FAT1: variants seen among roughly 807,000 people sequenced by gnomAD.
FAT1 encodes the protein FAT atypical cadherin 1, also known as protocadherin Fat 1.
Under a neutral mutation model 329.8 loss-of-function variants are expected in FAT1, and 171 were observed. That is an observed-to-expected ratio of 0.52 (90% confidence interval 0.46 to 0.59). The LOEUF (loss-of-function observed/expected upper bound fraction) is 0.59. Among genes scored for constraint, FAT1 ranks in the 20% least tolerant of loss-of-function variants. The pLI is 0.00. For missense variants in FAT1, 5,672 were observed against 5,774.4 expected (o/e 0.98, Z 0.57); for synonymous variants, 2,233 against 2,228.6 (o/e 1.00, Z -0.06).
At chr4:186,702,111 C>T (rs578239356) in intron 2 of FAT1, among the ~76,000 whole-genome samples, 314 of 152,222 alleles carry the variant, frequency 2.1e-3, no homozygotes, top group African/African-American at 6.6e-3. Flanking sequence ...GGCCAGGAGC[C>T]GGCCTCCACA....
At chr4:186,660,961 C>T (rs1289634153) in intron 3 of FAT1, among the ~76,000 whole-genome samples, 1 of 152,166 alleles carries the variant, frequency 6.6e-6, no homozygotes, top group East Asian at 1.9e-4. Context: ...ATATTTCTTG[C>T]TTGCTCATCT....
At position 186,636,754 on chromosome 4, in the gene FAT1, C is replaced by T. The variant is rs113970444; in HGVS notation, c.3803G>A (p.Arg1268Gln). ...EKPDRERNAR[R>Q]EPLYHVIATD... ...GGCTATGACGTGATAGAGCGGCTCC[C>T]GTCTGGCATTTCTTTCTCGGTCTGG... The change falls in exon 5 of 27, where the codon CGG (arginine) becomes CAG (glutamine). Residue 1268 changes from arginine to glutamine, a missense_variant. By Grantham distance (43) the Arg-to-Gln change is conservative. This residue lies in a region of FAT1 where 3,966 missense variants were observed against 3,915.2 expected (regional missense o/e 1.01). Transcript: ENST00000441802. 14,877 of 1,613,848 alleles carry T rather than the reference C, an allele frequency of 9.2e-3. 71 individuals are homozygous for T. The highest frequency in any genetic ancestry group is 0.011 in the Non-Finnish European group (12,474 of 1,179,862).
At position 186,672,590 on chromosome 4, in the gene FAT1, G is replaced by A. The variant is rs554413107; in HGVS notation, c.3266-8977C>T. 2.5e-4 allele frequency among the ~76,000 whole-genome samples: 38 copies of A among 152,296 alleles called. 1 individual carries two copies. Among genetic ancestry groups the A allele is most frequent in the Admixed American group, 6.5e-4 (10 of 15,282 alleles). ...AACATAACAGCATACATGGACTCAA[G>A]ATATAGCAGAGAAGAACTTCTTATA... is the stretch of plus-strand genomic sequence containing the variant. On this transcript the variant is annotated intron_variant, in intron 2 of 26. Coordinates refer to ENST00000441802, the MANE Select transcript of FAT1 (RefSeq NM_005245.4).
chr4:186,688,255 T>C (rs925020215), intron 2 of FAT1, among the ~76,000 whole-genome samples: 2 of 151,842 alleles, frequency 1.3e-5, no homozygotes, highest in African/African-American at 2.4e-5. Context: ...CACAGAGATA[T>C]GGCAAGATGC....
At chr4:186,724,667 C>T (rs1360688465), upstream of FAT1, among the ~76,000 whole-genome samples, 18 of 152,212 alleles carry the variant, frequency 1.2e-4, no homozygotes, top group Admixed American at 1.2e-3. The surrounding 1 kb of genome is among the most constrained non-coding windows in gnomAD (Gnocchi z 5.3). Flanking sequence ...GGGCGCCCAG[C>T]CTGAGCGTCC....
chr4:186,629,827 G>T (rs1409280259), intron 7 of FAT1, among the ~76,000 whole-genome samples: 1 of 152,204 alleles, frequency 6.6e-6, no homozygotes, highest in Non-Finnish European at 1.5e-5. Flanking sequence ...CGGAAAGGTT[G>T]CATGTGAAAG....
chr4:186,662,894 T>C (rs12650331), intron 3 of FAT1, among the ~76,000 whole-genome samples: 6 of 152,088 alleles, frequency 3.9e-5, no homozygotes, highest in Non-Finnish European at 7.4e-5. Context: ...TGGAGTGCAG[T>C]GGCACCATCT....
Position 186,603,559 on chromosome 4 carries a change from A to G in FAT1, c.10967T>C (p.Val3656Ala), listed in dbSNP as rs2126429925. 1 of 1,613,942 alleles carries G rather than the reference A, an allele frequency of 6.2e-7. No individual in the cohort carries two copies. The highest frequency in any genetic ancestry group is 8.5e-7 in the Non-Finnish European group (1 of 1,179,870). The part of the protein sequence containing the change: ...RFANLTPEEF[V>A]GDYWRNFQRA... ...CTGGAAGTTGCGCCAGTAGTCACCA[A>G]CGAATTCTTCCGGAGTGAGGTTGGC... is the stretch of plus-strand genomic sequence containing the variant. Residue 3656 changes from valine (V) to alanine (A), a missense_variant, in exon 19 of 27, where the codon GTT (valine) becomes GCT (alanine). This residue lies in a region of FAT1 where 1,706 missense variants were observed against 1,859.1 expected (regional missense o/e 0.92). Coordinates refer to ENST00000441802, the MANE Select transcript of FAT1 (RefSeq NM_005245.4).
chr4:186,609,145 T>C (rs1328273703), intron 16 of FAT1, 38 bp downstream of exon 16: 1 of 1,601,518 alleles, frequency 6.2e-7, no homozygotes, highest in African/African-American at 1.3e-5. Flanking sequence ...ATTGATGTGG[T>C]GATTTGTAAA....
intron 14 of FAT1, among the ~76,000 whole-genome samples, chr4:186,610,474 C>G (rs976229261): frequency 6.6e-6 from 1 of 150,604 alleles, no homozygotes; most frequent in African/African-American, 2.4e-5. Context: ...TCTAGATAAC[C>G]CTTTATTTAC....
At chr4:186,701,564 AG>A (rs1338790908) in intron 2 of FAT1, among the ~76,000 whole-genome samples, 1 of 152,084 alleles carries the variant, frequency 6.6e-6, no homozygotes, top group African/African-American at 2.4e-5. Context: ...CAGGAATTCT[AG>A]CCCCAGCTCC....
In FAT1 at chr4:186,708,872, G is replaced by C. The variant is rs898000299; in HGVS notation, c.956C>G (p.Ala319Gly). The C allele has an allele frequency of 2.5e-6, 4 of 1,613,912 alleles. No homozygotes were observed. Among genetic ancestry groups the C allele is most frequent in the Non-Finnish European group, 3.4e-6 (4 of 1,179,876 alleles). The stretch of plus-strand genomic sequence containing the variant: ...ACTGTCCCAATCAATGCCACCGATG[G>C]CTTTGACTTTATACTCCTTACTCCC... ...FPGSKEYKVK[A>G]IGGIDWDSHP... Residue 319 changes from alanine (A) to glycine (G), a missense_variant, in exon 2 of 27, where the codon GCC becomes GGC. By Grantham distance (60) the Ala-to-Gly change is moderately conservative (BLOSUM62 0). Transcript: ENST00000441802.
chr4:186,719,913 T>A (rs1291126234), intron 1 of FAT1, among the ~76,000 whole-genome samples: 3 of 152,260 alleles, frequency 2.0e-5, no homozygotes, highest in Non-Finnish European at 4.4e-5. Context: ...GTCAACCTAT[T>A]CAAACTTCTT....
Position 186,618,788 on chromosome 4 carries a change from T to C in FAT1, c.7798A>G (p.Lys2600Glu). The part of the protein sequence containing the change: ...NDNAPQFRAT[K>E]YEVNIGSSAA... ...CTGGACCCGATATTCACTTCGTATT[T>C]GGTTGCTCGAAATTGTGGTGCATTG... Residue 2600 changes from lysine (K) to glutamate (E), a missense_variant, in exon 10 of 27, where the codon AAA becomes GAA. Physicochemically the swap from Lys to Glu is moderately conservative, Grantham distance 56. This residue lies in a region of FAT1 where 3,966 missense variants were observed against 3,915.2 expected (regional missense o/e 1.01). Transcript: ENST00000441802. 6.2e-7 allele frequency: 1 copy of C among 1,614,052 alleles called. No individual in the cohort carries two copies.
chr4:186,707,139 C>T lies in FAT1; in HGVS notation c.2689G>A (p.Ala897Thr), dbSNP rs1459213050. ...LQHEHSLKIE[A>T]RDQAREEPQL... The stretch of plus-strand genomic sequence containing the variant: ...GGCTCTTCTCTGGCTTGGTCCCTGG[C>T]CTCAATCTTTAAGGAGTGCTCATGC... The change falls in exon 2 of 27, where the codon GCC becomes ACC. Residue 897 changes from alanine (A) to threonine (T), a missense_variant. Ala to Thr is a moderately conservative substitution (Grantham distance 58, BLOSUM62 0). Around this residue, in one of 2 missense-constraint regions of FAT1, gnomAD observed 3,966 missense variants for 3,915.2 expected, o/e 1.01. Transcript: ENST00000441802. 1 of 1,613,904 alleles carries T rather than the reference C, an allele frequency of 6.2e-7. No homozygotes were observed. Among genetic ancestry groups the T allele is most frequent in the South Asian group, 1.1e-5 (1 of 91,078 alleles).
intron 26 of FAT1, among the ~76,000 whole-genome samples, chr4:186,591,854 AGCATAAAGGATCCCCC>A (rs1738253246): frequency 6.6e-6 from 1 of 152,160 alleles, no homozygotes; most frequent in Non-Finnish European, 1.5e-5. Context: ...ATCATGTCCT[AGCATAAAGGATCCCCC>A]GAACTCTATG....
intron 2 of FAT1, among the ~76,000 whole-genome samples, chr4:186,691,072 TAAC>T (rs1743736825): frequency 6.6e-6 from 1 of 152,176 alleles, no homozygotes; most frequent in African/African-American, 2.4e-5. Flanking sequence ...ATTTAAAAAA[TAAC>T]GAGTAACGGT....
chr4:186,631,627 G>A (rs1328373166), intron 7 of FAT1, among the ~76,000 whole-genome samples: 1 of 127,554 alleles, frequency 7.8e-6, no homozygotes, highest in Non-Finnish European at 1.6e-5. Context: ...GCTGACTCCT[G>A]TGCTCTTCAA....
chr4:186,621,282 T>C lies in FAT1; in HGVS notation c.5304A>G (p.Ala1768=). 6.2e-7 allele frequency: 1 copy of C among 1,614,050 alleles called. No homozygotes were observed. Among genetic ancestry groups the C allele is most frequent in the South Asian group, 1.1e-5 (1 of 91,086 alleles). The change falls in exon 10 of 27, where the codon GCA becomes GCG. Residue 1768 remains alanine, a synonymous_variant. Transcript: ENST00000441802. Reference sequence around the variant, plus strand: ...ATTCACTAATGAGTCCTGTATATTCTGCCTGCATAAAAACTGGCGCGTTGT... The same window carrying C: ...ATTCACTAATGAGTCCTGTATATTCCGCCTGCATAAAAACTGGCGCGTTGT... ...ENDNAPVFMQ[A]EYTGLISESA...
Sources: gnomAD v4.1 joint callset for allele counts (sites outside exome capture counted in the v4.1 genomes callset) on GRCh38, gnomAD v4.1.1 for gene constraint, gnomAD v4.1.1 regional missense constraint, Gnocchi (gnomAD v3.1) non-coding constraint, MANE v1.5 for transcripts, NCBI Gene and HGNC (gene_info 2026-07-23, HGNC 2026-07-21) for gene names.